CEP72: variants seen among roughly 807,000 people sequenced by gnomAD.
CEP72 encodes the protein centrosomal protein 72.
CEP72 carries 78 observed loss-of-function variants against 65.7 expected under a neutral mutation model. The ratio of observed to expected loss-of-function variants is 1.19; its 90% confidence interval spans 0.99 to 1.43. The LOEUF (loss-of-function observed/expected upper bound fraction) is 1.43, where lower values mean the gene tolerates loss of function less well. Ranked by LOEUF, CEP72 falls within the 40% of genes most tolerant of loss-of-function variation. The pLI, the probability that CEP72 is intolerant of heterozygous loss-of-function variation, is 0.00. For missense variants in CEP72, 914 were observed against 832.9 expected, an observed-to-expected ratio of 1.10 and a Z score of -1.20; for synonymous variants, 358 against 351.7, an observed-to-expected ratio of 1.02 and a Z score of -0.20.
intron 9 of CEP72, chr5:642,275 C>T (rs1738103784): frequency 1.0e-6 from 1 of 984,780 alleles, no homozygotes; most frequent in African/African-American, 1.7e-5. Context: ...CGTGGCCCCT[C>T]CTCTGGAAGC....
chr5:657,288 G>T (rs61467544), downstream of CEP72, among the ~76,000 whole-genome samples: 13 of 152,198 alleles, frequency 8.5e-5, 1 homozygote, highest in South Asian at 2.7e-3. Flanking sequence ...TAAGACTCTC[G>T]GGCAGCATCT....
At chr5:633,662 C>G in intron 4 of CEP72, 107 bp from the exon 5 acceptor site, 10 of 1,086,180 alleles carry the variant, frequency 9.2e-6, no homozygotes, top group Middle Eastern at 2.1e-4. Flanking sequence ...GTTTGCAGCA[C>G]GCTGCTTCTC....
At chr5:665,283 G>A (rs1390144157) in exon 3 of CEP72, 3 of 1,613,160 alleles carry the variant, frequency 1.9e-6, no homozygotes, top group Admixed American at 1.7e-5. Context: ...CACTGTGGGC[G>A]ACGAGATGGC....
chr5:655,261 A>G (rs1403908028), downstream of CEP72, among the ~76,000 whole-genome samples: 10 of 152,040 alleles, frequency 6.6e-5, no homozygotes, highest in Admixed American at 6.6e-4. The surrounding 1 kb of genome is among the most constrained non-coding windows in gnomAD (Gnocchi z 5.0). Context: ...TGGGGGGCTG[A>G]GGCAGGAGAA....
chr5:660,273 G>C (rs1265813889), downstream of CEP72: 4 of 151,312 alleles, frequency 2.6e-5, no homozygotes, highest in Non-Finnish European at 5.9e-5. Context: ...CAAACTAGTA[G>C]TTACACGATC....
intron 11 of CEP72, among the ~76,000 whole-genome samples, chr5:650,175 T>G (rs1580031397): frequency 3.3e-5 from 4 of 119,658 alleles, no homozygotes; most frequent in South Asian, 2.6e-4. Context: ...GTGACTGAGG[T>G]GTGACTGAGG....
At position 645,656 on chromosome 5, in the gene CEP72, A is replaced by G. The variant is rs986039996; in HGVS notation, c.1666+1231A>G. 3.3e-5 allele frequency among the ~76,000 whole-genome samples: 5 copies of G among 152,152 alleles called. No individual in the cohort carries two copies. Among genetic ancestry groups the G allele is most frequent in the Non-Finnish European group, 7.3e-5 (5 of 68,028 alleles). The stretch of plus-strand genomic sequence containing the variant: ...CCGCCCTGCTGTGCGATGGCATCTG[A>G]TCAGCACTGGTACCCGCTCCACGCC... On this transcript the variant is annotated intron_variant, in intron 10 of 11. Transcript: ENST00000264935. The surrounding 1 kb of genome is among the most constrained non-coding windows in gnomAD (Gnocchi z 4.0).
At chr5:619,301 C>T (rs112121027) in intron 2 of CEP72, among the ~76,000 whole-genome samples, 184 bp downstream of exon 2, 6 of 152,300 alleles carry the variant, frequency 3.9e-5, no homozygotes, top group African/African-American at 9.6e-5. Context: ...GTTGTGTTGT[C>T]GCCCTCTGAT....
intron 4 of CEP72, among the ~76,000 whole-genome samples, chr5:625,699 G>A (rs534900463): frequency 6.6e-6 from 1 of 152,240 alleles, no homozygotes; most frequent in African/African-American, 2.4e-5. Flanking sequence ...CAGCACTCTG[G>A]TACCTGCACC....
At chr5:628,619 AG>A (rs1561037181) in intron 4 of CEP72, among the ~76,000 whole-genome samples, 50 of 22,096 alleles carry the variant, frequency 2.3e-3, no homozygotes, top group Admixed American at 3.7e-3. Flanking sequence ...CTCAGGTCGC[AG>A]TCCCCGGGGA....
At chr5:643,747 G>A (rs927801070) in intron 9 of CEP72, 7 of 801,550 alleles carry the variant, frequency 8.7e-6, no homozygotes, top group Non-Finnish European at 1.1e-5. Flanking sequence ...ACACCCTGGG[G>A]CCAGGGAGGG....
intron 11 of CEP72, 147 bp from the exon 12 acceptor site, chr5:652,838 CAGA>C (rs1739195555): frequency 8.2e-6 from 7 of 856,764 alleles, no homozygotes; most frequent in South Asian, 2.1e-5. Flanking sequence ...CAGTGGGACA[CAGA>C]AGGTGATGGG....
At chr5:638,390 G>A (rs1737765956) in intron 7 of CEP72, among the ~76,000 whole-genome samples, 1 of 152,188 alleles carries the variant, frequency 6.6e-6, no homozygotes, top group South Asian at 2.1e-4. Context: ...CACACCTGCT[G>A]TAGACATGAG....
the CEP72 span, among the ~76,000 whole-genome samples, chr5:672,792 G>A: frequency 4.6e-5 from 7 of 152,258 alleles, no homozygotes; most frequent in African/African-American, 9.6e-5. Context: ...AGCTGCCACC[G>A]CACGCTCTTT....
At chr5:647,997 C>T (rs1738537423) in intron 11 of CEP72, 81 bp downstream of exon 11, 7 of 858,088 alleles carry the variant, frequency 8.2e-6, no homozygotes, top group Non-Finnish European at 1.3e-5. Context: ...CTGGGTCACA[C>T]CCAGAAGGCA....
At chr5:676,456 C>T in the CEP72 span, 8 of 152,260 alleles carry the variant, frequency 5.3e-5, no homozygotes, top group Admixed American at 1.3e-4. Flanking sequence ...ACCCACGGCC[C>T]GGCCCCTTGC....
chr5:664,737 C>G (rs879059586), intron 2 of CEP72: 1 of 222,484 alleles, frequency 4.5e-6, no homozygotes, highest in Non-Finnish European at 9.0e-6. Flanking sequence ...AGGTGTCTGC[C>G]GCTCAGGAGG....
downstream of CEP72, among the ~76,000 whole-genome samples, chr5:670,317 C>T (rs1740172099): frequency 6.6e-6 from 1 of 152,210 alleles, no homozygotes; most frequent in African/African-American, 2.4e-5. Context: ...GTGACAGCTA[C>T]CAGCTCCCCT....
At chr5:621,650 C>T (rs1736399201) in intron 3 of CEP72, among the ~76,000 whole-genome samples, 1 of 152,224 alleles carries the variant, frequency 6.6e-6, no homozygotes, top group Non-Finnish European at 1.5e-5. Flanking sequence ...AGCGAGTAGA[C>T]CGGGAAGGCT....
Sources: gnomAD v4.1 joint callset for allele counts (sites outside exome capture counted in the v4.1 genomes callset) on GRCh38, gnomAD v4.1.1 for gene constraint, Gnocchi (gnomAD v3.1) non-coding constraint, MANE v1.5 for transcripts, NCBI Gene and HGNC (gene_info 2026-07-23, HGNC 2026-07-21) for gene names.